The following ETFA variants were observed in gnomAD, a reference collection of about 807,000 sequenced individuals.
The protein encoded by ETFA is electron transfer flavoprotein subunit alpha.
A neutral mutation model predicts 46.2 loss-of-function variants in ETFA; 22 were observed. The observed-to-expected ratio is 0.48, with a 90% CI of 0.34 to 0.68. ETFA has a LOEUF of 0.68. ETFA is among the 30% of genes least tolerant of loss of function. The pLI is 0.01. For synonymous variants in ETFA, 131 were observed against 139.9 expected (o/e 0.94, Z 0.45); for missense variants, 345 against 401.1 (o/e 0.86, Z 1.19).
intron 9 of ETFA, 84 bp from the exon 10 acceptor site, chr15:76,231,482 T>C: frequency 1.2e-6 from 1 of 839,346 alleles, no homozygotes; most frequent in African/African-American, 1.7e-5. Context: ...AATTTAAGTC[T>C]TAGGCAAAAG....
intron 9 of ETFA, among the ~76,000 whole-genome samples, chr15:76,250,837 A>G (rs2039291479): frequency 6.6e-6 from 1 of 152,064 alleles, no homozygotes; most frequent in Non-Finnish European, 1.5e-5. Context: ...CACCATGCCC[A>G]GCCAGTAATG....
intron 9 of ETFA, among the ~76,000 whole-genome samples, chr15:76,239,769 C>CTGAA (rs2039166030): frequency 6.8e-6 from 1 of 147,910 alleles, no homozygotes; most frequent in Non-Finnish European, 1.5e-5. Context: ...GAAGAGCCAA[C>CTGAA]TGAAGTTTGT....
chr15:76,225,750 C>T (rs564264249), intron 11 of ETFA, 99 bp downstream of exon 11: 1 of 836,002 alleles, frequency 1.2e-6, no homozygotes, highest in African/African-American at 1.7e-5. Context: ...GACACACAAA[C>T]ACACAATGTT....
Position 76,287,838 on chromosome 15 carries a change from G to A in ETFA, c.451+8C>T. 1 of 1,545,298 alleles carries A rather than the reference G, an allele frequency of 6.5e-7. No individual in the cohort carries two copies. The highest frequency in any genetic ancestry group is 9.0e-7 in the Non-Finnish European group (1 of 1,117,308). On this transcript the variant is annotated splice_region_variant and intron_variant, in intron 5 of 11. Coordinates refer to ENST00000557943, the MANE Select transcript of ETFA (RefSeq NM_000126.4). ...CATGTTGATTAATTATCTTCCTTGA[G>A]TACTCACCTGCATAAATAGTTCTCA...
intron 9 of ETFA, among the ~76,000 whole-genome samples, chr15:76,251,829 C>T (rs900845333): frequency 5.9e-5 from 9 of 152,110 alleles, no homozygotes; most frequent in Non-Finnish European, 1.2e-4. Flanking sequence ...CTGCCTCTCA[C>T]GAAAATGCAC....
intron 9 of ETFA, among the ~76,000 whole-genome samples, chr15:76,242,010 T>C (rs894147165): frequency 1.1e-4 from 16 of 151,904 alleles, no homozygotes; most frequent in South Asian, 4.2e-4. Flanking sequence ...CTAATTTTTG[T>C]ATTTTTAGTA....
At chr15:76,265,892 T>C (rs553457075) in intron 9 of ETFA, among the ~76,000 whole-genome samples, 1 of 152,336 alleles carries the variant, frequency 6.6e-6, no homozygotes, top group South Asian at 2.1e-4. Flanking sequence ...GTATCATTTT[T>C]AGCAGTGGCC....
intron 9 of ETFA, among the ~76,000 whole-genome samples, chr15:76,245,583 C>T (rs563155225): frequency 6.6e-6 from 1 of 152,342 alleles, no homozygotes; most frequent in Non-Finnish European, 1.5e-5. Context: ...TTTTCAAAAA[C>T]TGCTTATTCA....
intron 9 of ETFA, among the ~76,000 whole-genome samples, chr15:76,263,045 C>A (rs890507914): frequency 1.3e-5 from 2 of 152,204 alleles, no homozygotes; most frequent in Admixed American, 6.5e-5. Flanking sequence ...TAGCACTCCC[C>A]TTATCTCAAG....
At chr15:76,241,663 G>C (rs1283437898) in intron 9 of ETFA, among the ~76,000 whole-genome samples, 1 of 151,286 alleles carries the variant, frequency 6.6e-6, no homozygotes, top group African/African-American at 2.4e-5. Context: ...AGCCAGGCAT[G>C]GGGGGCGGGC....
intron 9 of ETFA, among the ~76,000 whole-genome samples, chr15:76,264,018 T>C (rs2039445860): frequency 6.6e-6 from 1 of 152,176 alleles, no homozygotes; most frequent in East Asian, 1.9e-4. Flanking sequence ...GGTGGTGCTA[T>C]ACAAAATTCT....
intron 1 of ETFA, among the ~76,000 whole-genome samples, chr15:76,300,474 C>T (rs559218419): frequency 6.6e-6 from 1 of 152,266 alleles, no homozygotes; most frequent in African/African-American, 2.4e-5. Flanking sequence ...AGAGCTACTC[C>T]TAAATCCATT....
chr15:76,300,655 C>A (rs749300009), intron 1 of ETFA, among the ~76,000 whole-genome samples: 1 of 152,176 alleles, frequency 6.6e-6, no homozygotes, highest in Non-Finnish European at 1.5e-5. Flanking sequence ...GTTATTCTCC[C>A]CTGCTTAAAA....
intron 11 of ETFA, among the ~76,000 whole-genome samples, chr15:76,217,196 G>T (rs569753447): frequency 1.3e-5 from 2 of 152,192 alleles, no homozygotes; most frequent in African/African-American, 4.8e-5. Context: ...TCTTGTCTGG[G>T]TGAAGAGTAC....
At chr15:76,216,725 C>A in intron 11 of ETFA, 128 bp from the exon 12 acceptor site, 1 of 690,790 alleles carries the variant, frequency 1.4e-6, no homozygotes, top group Non-Finnish European at 2.6e-6. Flanking sequence ...AGGGCCCCCT[C>A]CTCTCCACCA....
At chr15:76,260,715 G>A (rs1375302569) in intron 9 of ETFA, 10 of 1,605,392 alleles carry the variant, frequency 6.2e-6, no homozygotes, top group African/African-American at 4.0e-5. Flanking sequence ...TGTGTGGATG[G>A]CATGGAGGTT....
intron 9 of ETFA, among the ~76,000 whole-genome samples, chr15:76,266,493 A>T (rs1255060194): frequency 6.6e-6 from 1 of 152,242 alleles, no homozygotes; most frequent in Non-Finnish European, 1.5e-5. Flanking sequence ...GATGTGCTAC[A>T]AACAGAAAAG....
chr15:76,216,752 C>T (rs889022994), intron 11 of ETFA, among the ~76,000 whole-genome samples, 155 bp from the exon 12 acceptor site: 6 of 151,940 alleles, frequency 3.9e-5, no homozygotes, highest in Admixed American at 6.6e-5. Context: ...CCCTGTTCTC[C>T]GGTAGTCTCT....
rs3830441 is a variant in ETFA, at chr15:76,216,224, AAAAT to A, written c.*331_*334del. The A allele has an allele frequency of 0.12, 27,667 of 228,414 alleles. 2,033 individuals are homozygous for A. The highest frequency in any genetic ancestry group is 0.22 in the African/African-American group (9,515 of 42,858). The allele number at this position is 228,414 out of a possible 1,614,324, so 14.1% of individuals were successfully genotyped here. ...GCTCTCCATGAACAAGAAAGGCAAA[AAAAT>A]AAATAAATAAACAAAATTTTTACTC... On this transcript the variant is annotated 3_prime_UTR_variant, in exon 12 of 12. Transcript: ENST00000557943.
Sources: gnomAD v4.1 joint callset for allele counts (sites outside exome capture counted in the v4.1 genomes callset) on GRCh38, gnomAD v4.1.1 for gene constraint, MANE v1.5 for transcripts, NCBI Gene and HGNC (gene_info 2026-07-23, HGNC 2026-07-21) for gene names.